Variants in UTRN observed in about 807,000 individuals in gnomAD.
UTRN encodes dystrophin-related protein 1.
A neutral mutation model predicts 463.9 loss-of-function variants in UTRN; 283 were observed. That is an observed-to-expected ratio of 0.61 (90% CI 0.55 to 0.67). The LOEUF (loss-of-function observed/expected upper bound fraction) is 0.67, where lower values mean the gene tolerates loss of function less well. Ranked by LOEUF, UTRN falls within the 30% of genes least tolerant of loss-of-function variation. UTRN has a pLI of 0.00. For synonymous variants in UTRN, 1,442 were observed against 1,431.5 expected (o/e 1.01, Z -0.17); for missense variants, 3,922 against 4,084.3 (o/e 0.96, Z 1.08).
chr6:144,286,032 A>G lies in UTRN; in HGVS notation c.-93+211A>G, dbSNP rs1803629442. Among the ~76,000 whole-genome samples, 1 of 152,192 alleles carries G rather than the reference A, an allele frequency of 6.6e-6. No homozygotes were observed. Among genetic ancestry groups the G allele is most frequent in the Non-Finnish European group, 1.5e-5 (1 of 68,022 alleles). ...CCTCAGTTTAGCTCCCCGCGGTGCG[A>G]GAGAGAATGCCGGAGGCGTGGAGAG... On this transcript the variant is annotated intron_variant, in intron 1 of 74. Transcript: ENST00000367545. This position sits in a 1 kb window ranked among gnomAD's most constrained non-coding sequence, Gnocchi z 4.4.
chr6:144,849,812 A>G (rs556717714), intron 74 of UTRN, among the ~76,000 whole-genome samples: 84 of 152,328 alleles, frequency 5.5e-4, no homozygotes, highest in South Asian at 1.9e-3. Context: ...GGCACAATTC[A>G]AAAATCCTCT....
chr6:144,589,977 G>A (rs986954704), intron 51 of UTRN, among the ~76,000 whole-genome samples: 1 of 151,494 alleles, frequency 6.6e-6, no homozygotes, highest in African/African-American at 2.4e-5. Flanking sequence ...TCAGCCTCTC[G>A]AGTAGCTGGG....
At chr6:144,624,717 G>C (rs763262162) in intron 51 of UTRN, among the ~76,000 whole-genome samples, 31 of 152,298 alleles carry the variant, frequency 2.0e-4, no homozygotes, top group Non-Finnish European at 4.1e-4. Context: ...CAGCTCTCCA[G>C]CTAGAAATGT....
rs200976041 is a variant in UTRN, at chr6:144,448,650, C to A, written c.1953C>A (p.Asp651Glu). Reference sequence around the variant, plus strand: ...GGATGTCTCAGATTCCTCAGAAGGACCTTTTGGAGACTGTTCGTGTAAGAG... The same window carrying A: ...GGATGTCTCAGATTCCTCAGAAGGAACTTTTGGAGACTGTTCGTGTAAGAG... The part of the protein sequence containing the change: ...KLGMSQIPQK[D>E]LLETVRVREQ... The change falls in exon 17 of 75, where the codon GAC becomes GAA. Residue 651 changes from aspartate to glutamate, a missense_variant. This residue lies in a region of UTRN where 2,349 missense variants were observed against 2,303.8 expected (regional missense o/e 1.02). Coordinates refer to ENST00000367545, the MANE Select transcript of UTRN (RefSeq NM_007124.3). 1.4e-5 allele frequency: 22 copies of A among 1,613,804 alleles called. No homozygotes were observed. Among genetic ancestry groups the A allele is most frequent in the Middle Eastern group, 1.6e-4 (1 of 6,082 alleles).
At chr6:144,601,153 A>G (rs1287337882) in intron 51 of UTRN, among the ~76,000 whole-genome samples, 5 of 152,182 alleles carry the variant, frequency 3.3e-5, no homozygotes, top group Admixed American at 2.0e-4. Context: ...GAGTAATGCT[A>G]TTTTCATGCC....
Position 144,542,801 on chromosome 6 carries a change from A to C in UTRN, c.6526A>C (p.Arg2176=). The C allele has an allele frequency of 6.2e-7, 1 of 1,613,468 alleles. No individual in the cohort carries two copies. The highest frequency in any genetic ancestry group is 8.5e-7 in the Non-Finnish European group (1 of 1,179,742). The stretch of plus-strand genomic sequence containing the variant: ...GTTTGTCCTGATGCGGTAGATTTGC[A>C]GAGAGGTGCCTACCACCCTGAAGGA... The part of the protein sequence containing the change: ...TVNMTWNKIC[R]EVPTTLKECI... The change falls in exon 46 of 75, where the codon AGA becomes CGA. Residue 2176 remains arginine (R), a synonymous_variant. Transcript: ENST00000367545.
chr6:144,386,317 G>C (rs1251637154), intron 2 of UTRN, among the ~76,000 whole-genome samples: 1 of 152,004 alleles, frequency 6.6e-6, no homozygotes, highest in East Asian at 1.9e-4. Flanking sequence ...ACAAAAATTA[G>C]CCAGGCATGT....
chr6:144,660,735 C>T (rs1220978743), intron 51 of UTRN, among the ~76,000 whole-genome samples: 3 of 152,192 alleles, frequency 2.0e-5, no homozygotes, highest in Non-Finnish European at 4.4e-5. Context: ...TGCCTGGGGA[C>T]TCAGCTGTGG....
At chr6:144,804,184 T>C (rs1299045747) in intron 65 of UTRN, among the ~76,000 whole-genome samples, 1 of 152,188 alleles carries the variant, frequency 6.6e-6, no homozygotes, top group South Asian at 2.1e-4. Context: ...GTAATACTTA[T>C]AAAATATACA....
At position 144,748,349 on chromosome 6, in the gene UTRN, T is replaced by G. The variant is rs778131613; in HGVS notation, c.8043T>G (p.Asn2681Lys). 3 of 1,613,594 alleles carry G rather than the reference T, an allele frequency of 1.9e-6. No individual in the cohort carries two copies. In the African/African-American group the frequency reaches 4.0e-5, roughly 22 times the overall value. The change falls in exon 55 of 75, where the codon AAT becomes AAG. Residue 2681 changes from asparagine to lysine, a missense_variant. Coordinates refer to ENST00000367545, the MANE Select transcript of UTRN (RefSeq NM_007124.3). Reference sequence around the variant, plus strand: ...AAAGTCTAAATGCTGTAACTAGCAATTGGCAAAAGCAAGTGGACAAGGCAT... The same window carrying G: ...AAAGTCTAAATGCTGTAACTAGCAAGTGGCAAAAGCAAGTGGACAAGGCAT... ...KWESLNAVTS[N>K]WQKQVDKALE...
intron 15 of UTRN, 42 bp from the exon 16 acceptor site, chr6:144,447,560 T>C (rs1787821637): frequency 6.2e-7 from 1 of 1,601,240 alleles, no homozygotes; most frequent in South Asian, 1.1e-5. Context: ...AAAGACAAAG[T>C]CCTGTTAAAA....
chr6:144,707,177 T>G (rs1785179198), intron 53 of UTRN: 1 of 152,200 alleles, frequency 6.6e-6, no homozygotes, highest in Admixed American at 6.6e-5. Flanking sequence ...ACAAAAGATT[T>G]TGTTGGGTAG....
intron 34 of UTRN, 113 bp downstream of exon 34, chr6:144,499,540 C>G: frequency 1.2e-6 from 1 of 810,442 alleles, no homozygotes; most frequent in Non-Finnish European, 1.7e-6. Flanking sequence ...CTAGCCTTTT[C>G]TTTTTTGCAT....
chr6:144,678,171 A>G (rs1266513626), intron 51 of UTRN, among the ~76,000 whole-genome samples: 1 of 152,168 alleles, frequency 6.6e-6, no homozygotes, highest in Non-Finnish European at 1.5e-5. Flanking sequence ...TAAATTTCAT[A>G]TGGAACCAAA....
At chr6:144,608,283 C>T (rs991915158) in intron 51 of UTRN, among the ~76,000 whole-genome samples, 2 of 152,160 alleles carry the variant, frequency 1.3e-5, no homozygotes, top group Non-Finnish European at 2.9e-5. Context: ...CAGCTCTTCC[C>T]TGGGTCTCCA....
Position 144,488,696 on chromosome 6 carries a change from G to A in UTRN, c.3996G>A (p.Leu1332=). The A allele has an allele frequency of 1.2e-6, 2 of 1,612,688 alleles. No individual in the cohort carries two copies. The highest frequency in any genetic ancestry group is 1.7e-6 in the Non-Finnish European group (2 of 1,179,208). The change falls in exon 30 of 75, where the codon TTG becomes TTA. Residue 1332 remains leucine, a synonymous_variant. Coordinates refer to ENST00000367545, the MANE Select transcript of UTRN (RefSeq NM_007124.3). ...AGGCAGAGAGCAAGCAGATTTCTTT[G>A]GAAAAGCAACTCCAGGTGCTGCGGG... is the stretch of plus-strand genomic sequence containing the variant. ...SHLAESKQIS[L]EKQLQVLRET...
At chr6:144,517,885 C>T (rs958735091) in intron 39 of UTRN, among the ~76,000 whole-genome samples, 9 of 152,178 alleles carry the variant, frequency 5.9e-5, no homozygotes, top group African/African-American at 2.2e-4. Flanking sequence ...GAACATGTCC[C>T]TGTTATTAAG....
chr6:144,447,064 C>CCTCAGA (rs1262231830), intron 14 of UTRN, 147 bp from the exon 15 acceptor site: 1 of 634,112 alleles, frequency 1.6e-6, no homozygotes, highest in Non-Finnish European at 2.8e-6. Flanking sequence ...GTCATTTGTG[C>CCTCAGA]CTCAGACTTA....
chr6:144,341,216 G>A (rs1443992108), intron 2 of UTRN, among the ~76,000 whole-genome samples: 1 of 152,150 alleles, frequency 6.6e-6, no homozygotes, highest in East Asian at 1.9e-4. Context: ...AGATGGATGA[G>A]TCATATTATT....
Sources: allele counts gnomAD v4.1 joint callset (sites outside exome capture counted in the v4.1 genomes callset), GRCh38; gene constraint gnomAD v4.1.1; regional missense constraint gnomAD v4.1.1; non-coding constraint Gnocchi (gnomAD v3.1); transcripts MANE v1.5; gene names NCBI Gene and HGNC (gene_info 2026-07-23, HGNC 2026-07-21).